CNTNAP2: variants seen among roughly 807,000 people sequenced by gnomAD.
The protein encoded by CNTNAP2 is contactin associated protein 2, also known as contactin-associated protein-like 2.
CNTNAP2 carries 98 observed loss-of-function variants against 155.2 expected under a neutral mutation model. That is an observed-to-expected ratio of 0.63 (90% CI 0.54 to 0.75). CNTNAP2 has a LOEUF of 0.75. Among genes scored for constraint, CNTNAP2 ranks in the 30% least tolerant of loss-of-function variants. The pLI is 0.00. For missense variants in CNTNAP2, 1,727 were observed against 1,688.1 expected (o/e 1.02, Z -0.40); for synonymous variants, 651 against 631.2 (o/e 1.03, Z -0.47).
intron 21 of CNTNAP2, among the ~76,000 whole-genome samples, chr7:148,350,683 G>A (rs1416493307): frequency 6.6e-6 from 1 of 152,178 alleles, no homozygotes; most frequent in Non-Finnish European, 1.5e-5. Flanking sequence ...GCAACAGATC[G>A]AGTTTATTTC....
chr7:147,494,698 T>G (rs1798669976), intron 11 of CNTNAP2, among the ~76,000 whole-genome samples: 1 of 152,126 alleles, frequency 6.6e-6, no homozygotes, highest in Non-Finnish European at 1.5e-5. Flanking sequence ...TTAACACTTT[T>G]GTCAGGTTGA....
chr7:147,050,559 A>G (rs112922221), intron 4 of CNTNAP2, among the ~76,000 whole-genome samples: 3 of 152,220 alleles, frequency 2.0e-5, no homozygotes, highest in Non-Finnish European at 2.9e-5. Flanking sequence ...AGTTAAATAC[A>G]AATAAGTAAA....
At chr7:147,477,278 TC>T (rs1347094628) in intron 10 of CNTNAP2, among the ~76,000 whole-genome samples, 1 of 152,144 alleles carries the variant, frequency 6.6e-6, no homozygotes, top group Non-Finnish European at 1.5e-5. Context: ...GTTTGAAACT[TC>T]CTTGTTATAT....
rs765674309 is a variant in CNTNAP2, at chr7:147,108,172, C to A, written c.576C>A (p.Gly192=). ...SYWADVINFD[G]HVVLPYRFRN... ...GGGCTGATGTTATCAACTTTGATGG[C>A]CATGTTGTATTACCATATAGATTCA... The change falls in exon 5 of 24, where the codon GGC becomes GGA. Residue 192 remains glycine (G), a synonymous_variant. Coordinates refer to ENST00000361727, the MANE Select transcript of CNTNAP2 (RefSeq NM_014141.6). 1 of 1,613,126 alleles carries A rather than the reference C, an allele frequency of 6.2e-7. No homozygotes were observed. The highest frequency in any genetic ancestry group is 2.2e-5 in the East Asian group (1 of 44,814).
At chr7:147,701,711 G>A (rs2117004899) in intron 13 of CNTNAP2, among the ~76,000 whole-genome samples, 1 of 152,166 alleles carries the variant, frequency 6.6e-6, no homozygotes, top group East Asian at 1.9e-4. Flanking sequence ...TCGTTAACAG[G>A]AGTTGTAAGT....
At chr7:147,484,294 T>C (rs373952918) in intron 10 of CNTNAP2, among the ~76,000 whole-genome samples, 2 of 152,170 alleles carry the variant, frequency 1.3e-5, no homozygotes, top group African/African-American at 4.8e-5. Flanking sequence ...ATTGTATTTT[T>C]CCCCAATGTT....
At position 148,415,473 on chromosome 7, in the gene CNTNAP2, T is replaced by C. The variant is rs756882482; in HGVS notation, c.3853T>C (p.Tyr1285His). The C allele has an allele frequency of 1.9e-6, 3 of 1,614,166 alleles. No homozygotes were observed. Among genetic ancestry groups the C allele is most frequent in the African/African-American group, 1.3e-5 (1 of 75,056 alleles). ...ILCTLVFLIR[Y>H]MFRHKGTYHT... The stretch of plus-strand genomic sequence containing the variant: ...GTGCACCCTGGTCTTCCTGATCCGG[T>C]ACATGTTCCGCCACAAGGGCACCTA... The change falls in exon 24 of 24, where the codon TAC (tyrosine) becomes CAC (histidine). Residue 1285 changes from tyrosine to histidine, a missense_variant. Coordinates refer to ENST00000361727, the MANE Select transcript of CNTNAP2 (RefSeq NM_014141.6).
At chr7:148,242,815 C>T (rs1295965875) in intron 20 of CNTNAP2, among the ~76,000 whole-genome samples, 2 of 152,190 alleles carry the variant, frequency 1.3e-5, no homozygotes, top group Non-Finnish European at 2.9e-5. Flanking sequence ...ATTCAATGAG[C>T]TTGGCTATTT....
intron 10 of CNTNAP2, among the ~76,000 whole-genome samples, chr7:147,446,113 T>C (rs561952355): frequency 2.7e-5 from 4 of 146,988 alleles, no homozygotes; most frequent in Non-Finnish European, 4.5e-5. Flanking sequence ...CACTTGCTCT[T>C]TGTTTCTTTC....
chr7:147,381,240 G>A (rs1024035041), intron 9 of CNTNAP2, among the ~76,000 whole-genome samples: 8 of 152,202 alleles, frequency 5.3e-5, no homozygotes, highest in African/African-American at 1.4e-4. Flanking sequence ...AAACACTGGC[G>A]TTAAGACAGG....
chr7:146,874,881 A>G (rs1256488703), intron 3 of CNTNAP2, among the ~76,000 whole-genome samples: 2 of 152,120 alleles, frequency 1.3e-5, no homozygotes, highest in Non-Finnish European at 2.9e-5. Context: ...TGTTTATTTT[A>G]TATTCAAACC....
intron 8 of CNTNAP2, among the ~76,000 whole-genome samples, chr7:147,160,833 A>G (rs140992772): frequency 7.2e-5 from 11 of 152,290 alleles, no homozygotes; most frequent in Non-Finnish European, 1.6e-4. Context: ...GCACAGAGAT[A>G]ATTTCATACT....
intron 1 of CNTNAP2, among the ~76,000 whole-genome samples, chr7:146,697,056 G>A (rs549289262): frequency 7.2e-5 from 11 of 152,050 alleles, no homozygotes; most frequent in Non-Finnish European, 1.5e-4. Context: ...TATTTGGTGT[G>A]TGTTGACTCT....
intron 1 of CNTNAP2, among the ~76,000 whole-genome samples, chr7:146,512,276 C>T (rs1458169363): frequency 6.6e-6 from 1 of 151,396 alleles, no homozygotes; most frequent in Admixed American, 6.6e-5. Context: ...TTTTTAGTCT[C>T]GATTTCATTT....
At chr7:147,155,257 A>G (rs1275095075) in intron 8 of CNTNAP2, among the ~76,000 whole-genome samples, 1 of 152,160 alleles carries the variant, frequency 6.6e-6, no homozygotes. Context: ...GAAGACAGGC[A>G]TCAACGAGGA....
Position 147,131,131 on chromosome 7 carries a change from A to G in CNTNAP2, c.1084-1114A>G, listed in dbSNP as rs999175158. Among the ~76,000 whole-genome samples the G allele has an allele frequency of 3.3e-5, 5 of 149,868 alleles. No homozygotes were observed. In the South Asian group the frequency reaches 8.4e-4, roughly 25 times the overall value. On this transcript the variant is annotated intron_variant, in intron 7 of 23. Coordinates refer to ENST00000361727, the MANE Select transcript of CNTNAP2 (RefSeq NM_014141.6). The stretch of plus-strand genomic sequence containing the variant: ...ATATATATACCATATACATATATAT[A>G]CCATATACATATACATGTACCATAT...
intron 21 of CNTNAP2, among the ~76,000 whole-genome samples, chr7:148,331,319 T>C: frequency 7.5e-6 from 1 of 133,186 alleles, no homozygotes; most frequent in African/African-American, 2.9e-5. Context: ...AGTGGACGCA[T>C]GGAATGGACG....
intron 15 of CNTNAP2, among the ~76,000 whole-genome samples, chr7:148,067,101 C>G (rs1803280224): frequency 6.6e-6 from 1 of 152,132 alleles, no homozygotes; most frequent in Non-Finnish European, 1.5e-5. Flanking sequence ...ATTTTTCTGG[C>G]AATTTGAAGA....
At chr7:147,426,490 C>T (rs1026779445) in intron 10 of CNTNAP2, among the ~76,000 whole-genome samples, 3 of 152,106 alleles carry the variant, frequency 2.0e-5, no homozygotes, top group African/African-American at 7.2e-5. Context: ...TTAATAATTC[C>T]TTTCCACCGA....
Sources: allele counts gnomAD v4.1 joint callset (sites outside exome capture counted in the v4.1 genomes callset), GRCh38; gene constraint gnomAD v4.1.1; transcripts MANE v1.5; gene names NCBI Gene and HGNC (gene_info 2026-07-23, HGNC 2026-07-21).